CHN2: variants seen among roughly 807,000 people sequenced by gnomAD.
CHN2 encodes beta-chimaerin.
A neutral mutation model predicts 56.3 loss-of-function variants in CHN2; 35 were observed. The observed-to-expected ratio is 0.62, with a 90% CI of 0.47 to 0.82. CHN2 has a LOEUF of 0.82. Ranked by LOEUF, CHN2 falls within the 40% of genes least tolerant of loss-of-function variation. The pLI, the probability that CHN2 is intolerant of heterozygous loss-of-function variation, is 0.00. For synonymous variants in CHN2, 210 were observed against 212.8 expected, an observed-to-expected ratio of 0.99 and a Z score of 0.12; for missense variants, 491 against 580.5, an observed-to-expected ratio of 0.85 and a Z score of 1.58.
chr7:29,293,896 T>C (rs998791413), intron 1 of CHN2, among the ~76,000 whole-genome samples: 9 of 130,058 alleles, frequency 6.9e-5, no homozygotes, highest in Non-Finnish European at 1.4e-4. Flanking sequence ...AGACGGAGTC[T>C]CGCTGTGTCG....
intron 1 of CHN2, among the ~76,000 whole-genome samples, chr7:29,289,503 A>C (rs1354472857): frequency 6.6e-6 from 1 of 152,206 alleles, no homozygotes; most frequent in Non-Finnish European, 1.5e-5. Flanking sequence ...AGGGAGGCAC[A>C]CATGCTTTGC....
intron 6 of CHN2, among the ~76,000 whole-genome samples, chr7:29,435,633 T>C (rs1479641440): frequency 6.6e-6 from 1 of 152,180 alleles, no homozygotes; most frequent in African/African-American, 2.4e-5. Flanking sequence ...CAGTTAAAAT[T>C]ATAATATTAT....
rs1794759592 is a variant in CHN2 at position 29,313,768 on chromosome 7, C to A, written c.50-40857C>A. Among the ~76,000 whole-genome samples, 3 of 152,116 alleles carry A rather than the reference C, an allele frequency of 2.0e-5. No individual in the cohort carries two copies. In the South Asian group the frequency reaches 6.2e-4, roughly 32 times the overall value. ...CCCCTCTGGCTCTTCGTGTTCATAC[C>A]CTTTATCTCCTCTACAGCAGAGATG... is the stretch of plus-strand genomic sequence containing the variant. On this transcript the variant is annotated intron_variant, in intron 1 of 12. Coordinates refer to ENST00000222792, the MANE Select transcript of CHN2 (RefSeq NM_004067.4).
chr7:29,325,798 C>T (rs780673420), intron 1 of CHN2, among the ~76,000 whole-genome samples: 4 of 152,180 alleles, frequency 2.6e-5, no homozygotes, highest in Admixed American at 6.5e-5. Flanking sequence ...GGTGAAGAGC[C>T]GCCCATTTTC....
At chr7:29,228,460 G>A (rs1207460296) in intron 1 of CHN2, among the ~76,000 whole-genome samples, 1 of 152,184 alleles carries the variant, frequency 6.6e-6, no homozygotes, top group Non-Finnish European at 1.5e-5. Flanking sequence ...GTAAGCACAC[G>A]CTATGATGTT....
chr7:29,351,705 G>A (rs1797898190), intron 1 of CHN2, among the ~76,000 whole-genome samples: 1 of 152,160 alleles, frequency 6.6e-6, no homozygotes, highest in South Asian at 2.1e-4. Context: ...CTTGTTTTAG[G>A]AACAGAGAGA....
At chr7:29,469,632 G>A (rs1301617996) in intron 6 of CHN2, among the ~76,000 whole-genome samples, 3 of 152,082 alleles carry the variant, frequency 2.0e-5, no homozygotes, top group South Asian at 2.1e-4. Flanking sequence ...TATCACCTCC[G>A]GCCCGTATTT....
intron 1 of CHN2, among the ~76,000 whole-genome samples, chr7:29,226,363 A>G (rs2128796670): frequency 6.6e-6 from 1 of 152,212 alleles, no homozygotes; most frequent in East Asian, 1.9e-4. Flanking sequence ...AAACACAAAC[A>G]AGAGTCACTG....
chr7:29,357,657 ACTC>A (rs1467463979), intron 2 of CHN2, among the ~76,000 whole-genome samples: 5 of 152,178 alleles, frequency 3.3e-5, no homozygotes, highest in Non-Finnish European at 5.9e-5. Context: ...ACAAAATGCT[ACTC>A]CTCTATCTCC....
intron 1 of CHN2, among the ~76,000 whole-genome samples, chr7:29,272,870 A>C (rs2128849451): frequency 6.6e-6 from 1 of 152,338 alleles, no homozygotes; most frequent in Non-Finnish European, 1.5e-5. Context: ...AAATGGTTAC[A>C]ATAGTAAAGC....
intron 1 of CHN2, among the ~76,000 whole-genome samples, chr7:29,331,153 C>A (rs1016919480): frequency 6.6e-6 from 1 of 152,204 alleles, no homozygotes; most frequent in Admixed American, 6.5e-5. Context: ...CTTGTCTTAG[C>A]CTTTGCTATG....
intron 12 of CHN2, among the ~76,000 whole-genome samples, chr7:29,511,454 A>C (rs940887338): frequency 6.6e-6 from 1 of 152,194 alleles, no homozygotes; most frequent in Non-Finnish European, 1.5e-5. Flanking sequence ...GCTGAACCTT[A>C]AATGCCAATA....
At chr7:29,148,222 C>T (rs1351214491) in intron 2 of CHN2, among the ~76,000 whole-genome samples, 1 of 152,206 alleles carries the variant, frequency 6.6e-6, no homozygotes, top group East Asian at 1.9e-4. Flanking sequence ...TGGACAAGGG[C>T]TCCTTGGGTC....
chr7:29,419,170 T>C (rs1214326476), intron 6 of CHN2, among the ~76,000 whole-genome samples: 1 of 152,212 alleles, frequency 6.6e-6, no homozygotes, highest in African/African-American at 2.4e-5. Flanking sequence ...CTTTGTTTAA[T>C]TGTTAGTTAG....
chr7:29,482,677 G>T (rs1397216382), intron 7 of CHN2, among the ~76,000 whole-genome samples: 1 of 151,458 alleles, frequency 6.6e-6, no homozygotes, highest in Non-Finnish European at 1.5e-5. Context: ...TGTAATTCGG[G>T]TTAATATTTG....
intron 1 of CHN2, among the ~76,000 whole-genome samples, chr7:29,228,159 TACACAC>T (rs142567884): frequency 2.0e-5 from 3 of 147,078 alleles, no homozygotes; most frequent in South Asian, 4.3e-4. Context: ...TATATATATA[TACACAC>T]ACACACACAC....
At chr7:29,459,716 C>T (rs1212690982) in intron 6 of CHN2, among the ~76,000 whole-genome samples, 1 of 152,208 alleles carries the variant, frequency 6.6e-6, no homozygotes, top group Non-Finnish European at 1.5e-5. Flanking sequence ...TGACATCAGC[C>T]TGCACCCTAG....
chr7:29,278,951 C>A (rs995698390), intron 1 of CHN2, among the ~76,000 whole-genome samples: 4 of 152,100 alleles, frequency 2.6e-5, no homozygotes, highest in South Asian at 2.1e-4. Flanking sequence ...TGCCTCCCCC[C>A]AGGCCTGTCT....
chr7:29,480,801 C>G (rs147432958), intron 7 of CHN2, among the ~76,000 whole-genome samples: 19 of 152,294 alleles, frequency 1.2e-4, no homozygotes, highest in Non-Finnish European at 2.5e-4. Flanking sequence ...GATGCTAACT[C>G]CTTTCCTTTA....
Sources: allele counts gnomAD v4.1 joint callset (sites outside exome capture counted in the v4.1 genomes callset), GRCh38; gene constraint gnomAD v4.1.1; transcripts MANE v1.5; gene names NCBI Gene and HGNC (gene_info 2026-07-23, HGNC 2026-07-21).